LRP1B: variants seen among roughly 807,000 people sequenced by gnomAD.
LRP1B encodes the protein low-density lipoprotein receptor-related protein 1B.
A neutral mutation model predicts 556.6 loss-of-function variants in LRP1B; 217 were observed. The ratio of observed to expected loss-of-function variants is 0.39; its 90% CI spans 0.35 to 0.44. The LOEUF is 0.44. Ranked by LOEUF, LRP1B falls within the 20% of genes least tolerant of loss-of-function variation. The pLI, the probability that LRP1B is intolerant of heterozygous loss-of-function variation, is 1.00. For missense variants in LRP1B, 5,053 were observed against 5,620.8 expected, an observed-to-expected ratio of 0.90 and a Z score of 3.23; for synonymous variants, 2,047 against 1,865.8, an observed-to-expected ratio of 1.10 and a Z score of -2.50.
intron 49 of LRP1B, among the ~76,000 whole-genome samples, chr2:140,519,212 A>C (rs1356006010): frequency 6.6e-6 from 1 of 152,186 alleles, no homozygotes; most frequent in Non-Finnish European, 1.5e-5. Context: ...TTCAAACTAT[A>C]CTACAAGGCC....
At chr2:140,989,508 G>C (rs751525541) in intron 17 of LRP1B, 24 bp downstream of exon 17, 3 of 1,611,284 alleles carry the variant, frequency 1.9e-6, no homozygotes, top group South Asian at 1.1e-5. Flanking sequence ...GGAGATTTAC[G>C]TGTATATCCA....
intron 2 of LRP1B, among the ~76,000 whole-genome samples, chr2:141,748,340 ATTGTTG>A (rs1198492703): frequency 6.6e-6 from 1 of 152,200 alleles, no homozygotes. Flanking sequence ...ATTCATCATT[ATTGTTG>A]TTGTTAAGTT....
Position 141,678,991 on chromosome 2 carries a change from G to A in LRP1B, c.205+131288C>T, listed in dbSNP as rs72981967. On this transcript the variant is annotated intron_variant, in intron 2 of 90. Coordinates refer to ENST00000389484, the MANE Select transcript of LRP1B (RefSeq NM_018557.3). ...TTTTCTGAGGTAAGGTTACCAAAAG[G>A]CTGTGACTATTCTCTTGCTCATGCT... 2.2e-3 allele frequency among the ~76,000 whole-genome samples: 328 copies of A among 152,156 alleles called. 1 individual carries two copies. The highest frequency in any genetic ancestry group is 7.4e-3 in the African/African-American group (308 of 41,532).
chr2:140,650,463 C>T (rs1049347765), intron 41 of LRP1B, among the ~76,000 whole-genome samples: 2 of 151,906 alleles, frequency 1.3e-5, no homozygotes, highest in Non-Finnish European at 2.9e-5. Flanking sequence ...ATTCTCCTGT[C>T]TCAGCCTCCC....
intron 6 of LRP1B, among the ~76,000 whole-genome samples, chr2:141,214,283 C>A (rs1475325752): frequency 6.6e-6 from 1 of 152,154 alleles, no homozygotes; most frequent in African/African-American, 2.4e-5. Context: ...CATAATTTAT[C>A]TGTGGTGAAG....
chr2:140,737,487 G>C (rs1361666936), intron 35 of LRP1B, among the ~76,000 whole-genome samples: 2 of 152,174 alleles, frequency 1.3e-5, no homozygotes, highest in African/African-American at 4.8e-5. Context: ...TGGATTCACA[G>C]ATCCAGTAGG....
chr2:141,082,593 A>T (rs1314231016), intron 7 of LRP1B, among the ~76,000 whole-genome samples: 1 of 152,220 alleles, frequency 6.6e-6, no homozygotes, highest in Non-Finnish European at 1.5e-5. Context: ...AGAATTTGTT[A>T]AGTGGAGTGC....
chr2:142,127,316 G>T (rs1337335550), intron 1 of LRP1B, among the ~76,000 whole-genome samples: 3 of 151,556 alleles, frequency 2.0e-5, no homozygotes, highest in African/African-American at 4.8e-5. Context: ...TTTGTCTAAA[G>T]ATATTTTAAC....
intron 3 of LRP1B, among the ~76,000 whole-genome samples, chr2:141,475,685 CA>C (rs1682675783): frequency 6.6e-6 from 1 of 152,056 alleles, no homozygotes; most frequent in Admixed American, 6.6e-5. Flanking sequence ...TGCAGAAAAG[CA>C]GCAGAGCAAC....
chr2:141,443,584 C>G (rs1410069737), intron 3 of LRP1B, among the ~76,000 whole-genome samples: 7 of 152,100 alleles, frequency 4.6e-5, no homozygotes, highest in Non-Finnish European at 7.3e-5. Flanking sequence ...AGTCTTTGAT[C>G]CATCTTGAGT....
At chr2:142,062,709 A>C (rs1704966124) in intron 1 of LRP1B, among the ~76,000 whole-genome samples, 1 of 151,776 alleles carries the variant, frequency 6.6e-6, no homozygotes, top group African/African-American at 2.4e-5. Context: ...AAATCAGACA[A>C]TCAGGGCCTT....
At chr2:140,391,774 T>C (rs1453283259) in intron 66 of LRP1B, among the ~76,000 whole-genome samples, 1 of 152,144 alleles carries the variant, frequency 6.6e-6, no homozygotes. Flanking sequence ...AAAAAGTACA[T>C]ACAAAGTACA....
chr2:141,256,437 C>A (rs953518176), intron 3 of LRP1B, among the ~76,000 whole-genome samples: 1 of 151,604 alleles, frequency 6.6e-6, no homozygotes, highest in Non-Finnish European at 1.5e-5. Flanking sequence ...AATTAATTCA[C>A]GGATTAAGTA....
chr2:140,431,376 G>C (rs922048899), intron 66 of LRP1B, among the ~76,000 whole-genome samples: 1 of 152,106 alleles, frequency 6.6e-6, no homozygotes, highest in African/African-American at 2.4e-5. Flanking sequence ...TTAGGCCCCA[G>C]TCTCATTCCA....
intron 39 of LRP1B, 67 bp downstream of exon 39, chr2:140,702,074 C>T (rs1194933708): frequency 1.3e-6 from 2 of 1,550,308 alleles, no homozygotes; most frequent in African/African-American, 2.7e-5. Flanking sequence ...GTAAATCCTA[C>T]AAGGGTAAAG....
intron 77 of LRP1B, among the ~76,000 whole-genome samples, chr2:140,344,084 A>G (rs28393923): frequency 2.6e-5 from 4 of 151,904 alleles, no homozygotes; most frequent in Middle Eastern, 6.8e-3. Flanking sequence ...TTATTTTATG[A>G]CAATTATAGC....
At chr2:141,226,876 A>G (rs1339748044) in intron 6 of LRP1B, among the ~76,000 whole-genome samples, 10 of 152,172 alleles carry the variant, frequency 6.6e-5, no homozygotes, top group Admixed American at 6.5e-4. Flanking sequence ...TCATCAAATT[A>G]CTTCCACATA....
chr2:141,777,922 C>A (rs868758641), intron 2 of LRP1B, among the ~76,000 whole-genome samples: 13 of 152,096 alleles, frequency 8.5e-5, no homozygotes, highest in South Asian at 2.1e-4. Flanking sequence ...TAAATCTATT[C>A]ATAGAGCATA....
Position 140,352,954 on chromosome 2 carries a change from T to G in LRP1B, c.11649A>C (p.Glu3883Asp). 17 of 1,610,542 alleles carry G rather than the reference T, an allele frequency of 1.1e-5. No homozygotes were observed. Among genetic ancestry groups the G allele is most frequent in the Non-Finnish European group, 1.4e-5 (16 of 1,178,688 alleles). The change falls in exon 76 of 91, where the codon GAA (glutamate) becomes GAC (aspartate). Residue 3883 changes from glutamate (E) to aspartate (D), a missense_variant and splice_region_variant. Coordinates refer to ENST00000389484, the MANE Select transcript of LRP1B (RefSeq NM_018557.3). Reference sequence around the variant, plus strand: ...TTGCAATAGTGGTTATAATCTTACCTTCTGCTATGCAGGTGTTATTTCTTT... The same window carrying G: ...TTGCAATAGTGGTTATAATCTTACCGTCTGCTATGCAGGTGTTATTTCTTT... ...FQERNNTCIA[E>D]GSEDQVLYIA...
Sources: allele counts gnomAD v4.1 joint callset (sites outside exome capture counted in the v4.1 genomes callset), GRCh38; gene constraint gnomAD v4.1.1; transcripts MANE v1.5; gene names NCBI Gene and HGNC (gene_info 2026-07-23, HGNC 2026-07-21).